Variants in GRIK2 observed in about 807,000 individuals in gnomAD.
GRIK2 encodes the protein glutamate receptor ionotropic, kainate 2.
GRIK2 carries 32 observed loss-of-function variants against 100.3 expected under a neutral mutation model. The observed-to-expected ratio is 0.32, with a 90% confidence interval of 0.24 to 0.43. The LOEUF (loss-of-function observed/expected upper bound fraction) is 0.43, where lower values mean the gene tolerates loss of function less well. Ranked by LOEUF, GRIK2 falls within the 20% of genes least tolerant of loss-of-function variation. The pLI, the probability that GRIK2 is intolerant of heterozygous loss-of-function variation, is 1.00. For synonymous variants in GRIK2, 417 were observed against 389.4 expected, an observed-to-expected ratio of 1.07 and a Z score of -0.83; for missense variants, 843 against 1,114.9, an observed-to-expected ratio of 0.76 and a Z score of 3.47.
Position 101,722,727 on chromosome 6 carries a change from T to C in GRIK2, c.951+36374T>C, listed in dbSNP as rs549976164. Among the ~76,000 whole-genome samples the C allele has an allele frequency of 7.9e-5, 12 of 152,132 alleles. No individual in the cohort carries two copies. The South Asian group carries it at 2.5e-3, about 32-fold the overall frequency. On this transcript the variant is annotated intron_variant, in intron 7 of 16. Coordinates refer to ENST00000369134, the MANE Select transcript of GRIK2 (RefSeq NM_021956.5). Reference sequence around the variant, plus strand: ...CAAGATGAGGACCAAAGGAATAAAATATTATGAGATGGTGGGGAGGAGATA... The same window carrying C: ...CAAGATGAGGACCAAAGGAATAAAACATTATGAGATGGTGGGGAGGAGATA...
chr6:101,419,066 ATCT>A lies in GRIK2; in HGVS notation c.115+19677_115+19679del, dbSNP rs372018175. Among the ~76,000 whole-genome samples the A allele has an allele frequency of 5.8e-4, 89 of 152,296 alleles. 5 individuals are homozygous for A. In the South Asian group the frequency reaches 0.015, roughly 26 times the overall value. ...AAAGACTCTTACACATCCTTCACTA[ATCT>A]TCCTCTTACTTACTCTTATCTGACT... On this transcript the variant is annotated intron_variant, in intron 2 of 16. Transcript: ENST00000369134.
At chr6:101,644,055 A>G (rs1234132816) in intron 4 of GRIK2, among the ~76,000 whole-genome samples, 1 of 151,776 alleles carries the variant, frequency 6.6e-6, no homozygotes, top group Non-Finnish European at 1.5e-5. Flanking sequence ...TACTGATGAC[A>G]TATACAACTA....
chr6:102,051,805 C>T (rs1267839039), intron 15 of GRIK2, among the ~76,000 whole-genome samples: 1 of 152,140 alleles, frequency 6.6e-6, no homozygotes, highest in East Asian at 1.9e-4. Context: ...GATGCATGTT[C>T]TAATAGACAC....
chr6:101,952,449 G>T (rs1332277703), intron 14 of GRIK2, among the ~76,000 whole-genome samples: 1 of 151,862 alleles, frequency 6.6e-6, no homozygotes, highest in Non-Finnish European at 1.5e-5. Flanking sequence ...GCCCAAGTGT[G>T]CAATTGCAGA....
intron 2 of GRIK2, among the ~76,000 whole-genome samples, chr6:101,543,983 G>A (rs541034994): frequency 2.0e-5 from 3 of 152,058 alleles, no homozygotes; most frequent in Non-Finnish European, 4.4e-5. Flanking sequence ...GAAGTGCTGT[G>A]ATCTCAGTGG....
intron 2 of GRIK2, among the ~76,000 whole-genome samples, chr6:101,458,999 T>C (rs1476045829): frequency 2.0e-5 from 3 of 152,158 alleles, no homozygotes; most frequent in Admixed American, 1.3e-4. Context: ...ATTTGATGCA[T>C]CCAAATTTTT....
intron 12 of GRIK2, 52 bp downstream of exon 12, chr6:101,889,915 A>T: frequency 1.1e-6 from 1 of 929,366 alleles, no homozygotes. Flanking sequence ...TCCTTTATCT[A>T]ACTAATAATT....
At position 101,486,392 on chromosome 6, in the gene GRIK2, G is replaced by T. The variant is rs1056215115; in HGVS notation, c.115+87000G>T. ...GTAAGGTTGCATGAGGGGGTGGGGCGGGGGGGGGAAGCTAAGTAGATTATA... is the reference window on the plus strand; with the variant it reads ...GTAAGGTTGCATGAGGGGGTGGGGCTGGGGGGGGAAGCTAAGTAGATTATA... On this transcript the variant is annotated intron_variant, in intron 2 of 16. Transcript: ENST00000369134. Among the ~76,000 whole-genome samples the T allele has an allele frequency of 2.6e-3, 159 of 61,048 alleles. 3 individuals carry two copies. In the East Asian group the frequency reaches 0.065, roughly 25 times the overall value. The allele number at this position is 61,048 out of a possible 152,430, so 40.0% of individuals were successfully genotyped here.
At chr6:101,973,743 C>T (rs1202780177) in intron 14 of GRIK2, among the ~76,000 whole-genome samples, 3 of 151,906 alleles carry the variant, frequency 2.0e-5, no homozygotes, top group Non-Finnish European at 1.5e-5. Context: ...ATCAGTGTTA[C>T]TCAAAGTTCA....
rs139415092 is a variant in GRIK2 at position 102,055,526 on chromosome 6, T to C, written c.2508T>C (p.Phe836=). 9.5e-4 allele frequency: 1,531 copies of C among 1,612,824 alleles called. 9 individuals carry two copies. The highest frequency in any genetic ancestry group is 3.0e-3 in the Middle Eastern group (18 of 6,060). Residue 836 remains phenylalanine, a synonymous_variant, in exon 16 of 17, where the codon TTT becomes TTC. Transcript: ENST00000369134. ...VLAAGLVLSV[F]VAVGEFLYKS... is the part of the protein sequence containing the mutation. The stretch of plus-strand genomic sequence containing the variant: ...CAGCCGGCTTGGTGCTTTCAGTTTT[T>C]GTGGCAGTGGGAGAATTTTTATACA...
At chr6:101,984,654 CA>C (rs1448345271) in intron 14 of GRIK2, among the ~76,000 whole-genome samples, 33 of 150,766 alleles carry the variant, frequency 2.2e-4, no homozygotes, top group African/African-American at 2.9e-4. Flanking sequence ...CACACACACA[CA>C]CCCTTCAACT....
intron 2 of GRIK2, among the ~76,000 whole-genome samples, chr6:101,573,515 T>G (rs546056387): frequency 6.6e-6 from 1 of 152,302 alleles, no homozygotes; most frequent in Non-Finnish European, 1.5e-5. Flanking sequence ...CATAATCCAG[T>G]TCTTTTCCTT....
At chr6:101,660,716 T>C (rs1252744074) in intron 4 of GRIK2, among the ~76,000 whole-genome samples, 1 of 152,176 alleles carries the variant, frequency 6.6e-6, no homozygotes, top group African/African-American at 2.4e-5. Flanking sequence ...TAGTTTTCCT[T>C]CTAACAGTCA....
At chr6:101,477,858 G>T (rs1772324315) in intron 2 of GRIK2, among the ~76,000 whole-genome samples, 1 of 152,112 alleles carries the variant, frequency 6.6e-6, no homozygotes, top group African/African-American at 2.4e-5. Context: ...CATTTATATT[G>T]TGAATTGCAT....
intron 9 of GRIK2, among the ~76,000 whole-genome samples, chr6:101,806,449 A>G (rs1406798613): frequency 1.3e-5 from 2 of 152,128 alleles, no homozygotes; most frequent in Non-Finnish European, 2.9e-5. Context: ...GTTATAATCC[A>G]TTCCCTAAAC....
At chr6:101,608,674 G>A (rs1274377039) in intron 2 of GRIK2, among the ~76,000 whole-genome samples, 1 of 151,876 alleles carries the variant, frequency 6.6e-6, no homozygotes, top group Admixed American at 6.6e-5. Context: ...TCTCACTAAC[G>A]AATTTTAGAA....
intron 2 of GRIK2, among the ~76,000 whole-genome samples, chr6:101,566,085 AAAG>A (rs1162797417): frequency 3.3e-5 from 5 of 151,482 alleles, no homozygotes; most frequent in Non-Finnish European, 5.9e-5. Context: ...AGTAAGCTGA[AAAG>A]GAGGAGGAAG....
chr6:101,462,670 T>G (rs899978005), intron 2 of GRIK2, among the ~76,000 whole-genome samples: 1 of 152,198 alleles, frequency 6.6e-6, no homozygotes, highest in African/African-American at 2.4e-5. Flanking sequence ...TTGTAGCAAA[T>G]TTTTAGAGAA....
intron 14 of GRIK2, among the ~76,000 whole-genome samples, chr6:101,998,239 A>C (rs1319024054): frequency 6.6e-6 from 1 of 152,242 alleles, no homozygotes; most frequent in East Asian, 1.9e-4. Context: ...ATGAATTGTT[A>C]GTTTCTGAAA....
Sources: allele counts gnomAD v4.1 joint callset (sites outside exome capture counted in the v4.1 genomes callset), GRCh38; gene constraint gnomAD v4.1.1; transcripts MANE v1.5; gene names NCBI Gene and HGNC (gene_info 2026-07-23, HGNC 2026-07-21).